FBN1: variants seen among roughly 807,000 people sequenced by gnomAD.
FBN1 encodes the protein fibrillin 1, also known as fibrillin-1.
In FBN1, 29 loss-of-function variants were observed where a neutral mutation model predicts 365.1. The observed-to-expected ratio is 0.08, with a 90% CI of 0.06 to 0.11. FBN1 has a LOEUF of 0.11. FBN1 is among the 10% of genes least tolerant of loss of function. The pLI is 1.00. For synonymous variants in FBN1, 1,210 were observed against 1,270.5 expected, an observed-to-expected ratio of 0.95 and a Z score of 1.01; for missense variants, 2,476 against 3,703.2, an observed-to-expected ratio of 0.67 and a Z score of 8.60.
In FBN1 at chr15:48,488,058, C is replaced by G. The variant is rs115713965; in HGVS notation, c.3337+55G>C. Reference sequence around the variant, plus strand: ...ACCTGGAACATAGGCTATGAGCCATCAAAGCTTCATGGAATCCTTCTCTTT... The same window carrying G: ...ACCTGGAACATAGGCTATGAGCCATGAAAGCTTCATGGAATCCTTCTCTTT... On this transcript the variant is annotated intron_variant, in intron 27 of 65. Coordinates refer to ENST00000316623, the MANE Select transcript of FBN1 (RefSeq NM_000138.5). 3,551 of 1,612,682 alleles carry G rather than the reference C, an allele frequency of 2.2e-3. 71 individuals are homozygous for G. In the African/African-American group the frequency reaches 0.041, roughly 19 times the overall value.
chr15:48,433,767 A>G (rs2043041916), intron 54 of FBN1, among the ~76,000 whole-genome samples: 1 of 152,194 alleles, frequency 6.6e-6, no homozygotes, highest in Non-Finnish European at 1.5e-5. Flanking sequence ...CAACCTTTAA[A>G]GATTTACCAC....
chr15:48,440,788 C>T (rs1306022809), intron 50 of FBN1, among the ~76,000 whole-genome samples: 1 of 151,714 alleles, frequency 6.6e-6, no homozygotes, highest in East Asian at 1.9e-4. Context: ...AAATGACTTG[C>T]TCTAGACTAA....
intron 2 of FBN1, chr15:48,643,697 T>C (rs1244191397): frequency 6.6e-6 from 1 of 152,074 alleles, no homozygotes; most frequent in African/African-American, 2.4e-5. Flanking sequence ...ATATATACTG[T>C]CTGAATTTAT....
intron 5 of FBN1, 152 bp downstream of exon 5, chr15:48,599,987 T>A (rs574148687): frequency 1.5e-6 from 1 of 649,326 alleles, no homozygotes; most frequent in Non-Finnish European, 2.7e-6. Flanking sequence ...GTTTTTTGAG[T>A]AAGTGATTTG....
chr15:48,489,831 T>C lies in FBN1; in HGVS notation c.3082+20A>G, dbSNP rs754058489. ...GTCTAAAAAGGGAGGCAATTGGCCA[T>C]GGAAAACGTAACATTGTACCTTTGA... On this transcript the variant is annotated intron_variant, in intron 25 of 65. Coordinates refer to ENST00000316623, the MANE Select transcript of FBN1 (RefSeq NM_000138.5). The C allele has an allele frequency of 1.2e-6, 2 of 1,604,478 alleles. No individual in the cohort carries two copies. The highest frequency in any genetic ancestry group is 1.7e-5 in the Admixed American group (1 of 60,018).
chr15:48,492,860 C>T (rs2043573944), intron 23 of FBN1, among the ~76,000 whole-genome samples: 1 of 152,154 alleles, frequency 6.6e-6, no homozygotes, highest in Admixed American at 6.5e-5. Context: ...TTGGAGACAG[C>T]TCTGGTAGCT....
chr15:48,597,422 T>C (rs2044524398), intron 5 of FBN1, among the ~76,000 whole-genome samples: 1 of 152,338 alleles, frequency 6.6e-6, no homozygotes, highest in East Asian at 1.9e-4. Context: ...GGGCACTTTT[T>C]GCCCTGGGTT....
intron 53 of FBN1, among the ~76,000 whole-genome samples, chr15:48,435,282 T>G (rs2043056998): frequency 6.6e-6 from 1 of 151,772 alleles, no homozygotes; most frequent in Admixed American, 6.6e-5. Context: ...GCCTCCCACA[T>G]TATAAACTAA....
intron 48 of FBN1, among the ~76,000 whole-genome samples, 181 bp downstream of exon 48, chr15:48,445,195 T>C (rs561112357): frequency 2.9e-5 from 4 of 140,142 alleles, no homozygotes; most frequent in African/African-American, 7.8e-5. Flanking sequence ...TATATATATA[T>C]ACATATATAT....
intron 4 of FBN1, among the ~76,000 whole-genome samples, chr15:48,607,456 G>A (rs1483056233): frequency 6.6e-6 from 1 of 150,854 alleles, no homozygotes; most frequent in East Asian, 1.9e-4. Context: ...GGAGAGTATG[G>A]AGCAGTGGGG....
intron 19 of FBN1, among the ~76,000 whole-genome samples, chr15:48,497,028 A>C (rs974301370): frequency 7.3e-5 from 11 of 150,008 alleles, no homozygotes; most frequent in Admixed American, 1.3e-4. Flanking sequence ...ATACATCATT[A>C]TTTTAAGGAG....
chr15:48,537,931 T>A, intron 6 of FBN1, 123 bp from the exon 7 acceptor site: 1 of 978,520 alleles, frequency 1.0e-6, no homozygotes, highest in South Asian at 1.4e-5. Flanking sequence ...GACAGAATCA[T>A]GCATCACTGT....
intron 17 of FBN1, among the ~76,000 whole-genome samples, chr15:48,500,121 G>A (rs933716666): frequency 5.3e-5 from 8 of 152,214 alleles, no homozygotes; most frequent in African/African-American, 1.9e-4. Context: ...CAACAGATGG[G>A]AAGGTGTGTT....
chr15:48,476,133 G>T (rs1343990240), intron 32 of FBN1, among the ~76,000 whole-genome samples: 1 of 152,198 alleles, frequency 6.6e-6, no homozygotes, highest in Non-Finnish European at 1.5e-5. Context: ...GGATAACAGT[G>T]CTAAGTAGGC....
intron 6 of FBN1, among the ~76,000 whole-genome samples, chr15:48,591,261 T>C (rs1279151581): frequency 2.0e-5 from 3 of 152,136 alleles, no homozygotes; most frequent in African/African-American, 7.2e-5. Flanking sequence ...AGTAAATTAC[T>C]GTAGGCTGTT....
intron 50 of FBN1, among the ~76,000 whole-genome samples, chr15:48,439,457 G>C (rs2043096710): frequency 6.6e-6 from 1 of 152,192 alleles, no homozygotes; most frequent in Admixed American, 6.5e-5. Context: ...GTTTCTTGGA[G>C]AACACTTTTG....
Position 48,635,262 on chromosome 15 carries a change from A to C in FBN1, c.164+9344T>G, listed in dbSNP as rs572966769. On this transcript the variant is annotated intron_variant, in intron 2 of 65. Transcript: ENST00000316623. ...TTTTTGCTTTCTCTCTTCCGCTCTG[A>C]GGGAGCTGAATAAATAGAGTCAGTG... Among the ~76,000 whole-genome samples the C allele has an allele frequency of 2.6e-5, 4 of 152,312 alleles. No individual in the cohort carries two copies. The South Asian group carries it at 8.3e-4, about 32-fold the overall frequency.
chr15:48,597,256 A>G (rs973121476), intron 5 of FBN1, among the ~76,000 whole-genome samples: 15 of 152,178 alleles, frequency 9.9e-5, no homozygotes, highest in African/African-American at 3.6e-4. Flanking sequence ...CCCTCAAGAG[A>G]ATCTCCTGCA....
At chr15:48,489,794 T>C (rs1306225636) in intron 25 of FBN1, 57 bp downstream of exon 25, 5 of 1,348,638 alleles carry the variant, frequency 3.7e-6, no homozygotes, top group Non-Finnish European at 3.2e-6. Flanking sequence ...ATCATGAAAA[T>C]GCATCCTATT....
Sources: gnomAD v4.1 joint callset for allele counts (sites outside exome capture counted in the v4.1 genomes callset) on GRCh38, gnomAD v4.1.1 for gene constraint, MANE v1.5 for transcripts, NCBI Gene and HGNC (gene_info 2026-07-23, HGNC 2026-07-21) for gene names.